TBC1D22A: variants seen among roughly 807,000 people sequenced by gnomAD.
TBC1D22A encodes TBC1 domain family member 22A, also known as putative GTPase activator.
Under a neutral mutation model 60.2 loss-of-function variants are expected in TBC1D22A, and 38 were observed. That is an observed-to-expected ratio of 0.63 (90% CI 0.49 to 0.83). The LOEUF is 0.83. Ranked by LOEUF, TBC1D22A falls within the 40% of genes least tolerant of loss-of-function variation. The pLI is 0.00. For missense variants in TBC1D22A, 628 were observed against 701.0 expected (o/e 0.90, Z 1.18); for synonymous variants, 302 against 281.7 (o/e 1.07, Z -0.72).
chr22:47,157,008 A>G (rs9626941), intron 12 of TBC1D22A, among the ~76,000 whole-genome samples: 30,170 of 152,236 alleles, frequency 0.2, 3,866 homozygotes, highest in African/African-American at 0.37. Context: ...CCAGAGGGAC[A>G]GATGTCAGCA....
chr22:46,932,512 T>C (rs922997611), intron 8 of TBC1D22A, among the ~76,000 whole-genome samples: 1 of 152,170 alleles, frequency 6.6e-6, no homozygotes, highest in Admixed American at 6.5e-5. Flanking sequence ...TAGGAATAAA[T>C]GTTATGCTTG....
At chr22:46,915,675 G>T (rs1401331643) in intron 8 of TBC1D22A, 1 of 456,602 alleles carries the variant, frequency 2.2e-6, no homozygotes, top group Non-Finnish European at 4.4e-6. Flanking sequence ...TTCTCCAGGG[G>T]CTTTCAGGCA....
intron 6 of TBC1D22A, 78 bp downstream of exon 6, chr22:46,891,472 C>T: frequency 6.8e-7 from 1 of 1,470,104 alleles, no homozygotes; most frequent in Non-Finnish European, 9.0e-7. Flanking sequence ...AATGTTTTAT[C>T]AAAACCATGT....
At chr22:47,105,753 C>A (rs1280136584) in intron 11 of TBC1D22A, among the ~76,000 whole-genome samples, 1 of 151,996 alleles carries the variant, frequency 6.6e-6, no homozygotes, top group African/African-American at 2.4e-5. Flanking sequence ...TATAGGTTTC[C>A]CACCCCCCCA....
intron 7 of TBC1D22A, among the ~76,000 whole-genome samples, chr22:46,905,702 C>A (rs562317767): frequency 3.3e-4 from 50 of 152,218 alleles, no homozygotes; most frequent in Admixed American, 5.9e-4. Context: ...GCCTCTGGGG[C>A]ATGGCCAGGG....
chr22:47,074,327 C>T (rs556020980), intron 11 of TBC1D22A, among the ~76,000 whole-genome samples: 1 of 152,328 alleles, frequency 6.6e-6, no homozygotes, highest in African/African-American at 2.4e-5. Flanking sequence ...CTTGTTTTCC[C>T]TAATGTGTGT....
chr22:46,930,531 C>T (rs1457340504), intron 8 of TBC1D22A, among the ~76,000 whole-genome samples: 2 of 152,138 alleles, frequency 1.3e-5, no homozygotes, highest in Non-Finnish European at 2.9e-5. Flanking sequence ...TCTTGGCTCA[C>T]TGCAAGCTCC....
At chr22:46,963,577 AG>A (rs2073651666) in intron 8 of TBC1D22A, among the ~76,000 whole-genome samples, 1 of 152,248 alleles carries the variant, frequency 6.6e-6, no homozygotes, top group Non-Finnish European at 1.5e-5. Flanking sequence ...CCCAAGAGAC[AG>A]GCCATCTTGG....
chr22:47,037,460 G>A (rs771649974), intron 11 of TBC1D22A, among the ~76,000 whole-genome samples: 3 of 152,158 alleles, frequency 2.0e-5, no homozygotes, highest in African/African-American at 7.2e-5. Flanking sequence ...GCAAAACCCC[G>A]TCTCTACTAA....
At chr22:46,905,468 T>C (rs1356035263) in intron 7 of TBC1D22A, among the ~76,000 whole-genome samples, 1 of 152,214 alleles carries the variant, frequency 6.6e-6, no homozygotes, top group Non-Finnish European at 1.5e-5. Context: ...CAGATTGATT[T>C]GGGTCCGTGC....
chr22:46,913,475 A>T (rs757840000), intron 8 of TBC1D22A: 2 of 1,338,470 alleles, frequency 1.5e-6, no homozygotes, highest in Non-Finnish European at 2.0e-6. Flanking sequence ...GCCCTCTGAC[A>T]CTTTGTTTCC....
intron 8 of TBC1D22A, among the ~76,000 whole-genome samples, chr22:46,950,627 C>T (rs938497904): frequency 1.3e-5 from 2 of 151,974 alleles, no homozygotes; most frequent in Non-Finnish European, 2.9e-5. Flanking sequence ...GTGGACATGG[C>T]GATGTCTCAT....
intron 4 of TBC1D22A, among the ~76,000 whole-genome samples, chr22:46,871,821 TA>T (rs2067305991): frequency 1.3e-5 from 2 of 152,110 alleles, no homozygotes; most frequent in African/African-American, 4.8e-5. Flanking sequence ...AGAAACAATT[TA>T]AGGGTGAAAA....
At chr22:47,080,903 A>G (rs1162788949) in intron 11 of TBC1D22A, among the ~76,000 whole-genome samples, 2 of 152,120 alleles carry the variant, frequency 1.3e-5, no homozygotes, top group African/African-American at 4.8e-5. Context: ...TGGGTGGATC[A>G]CGAGGTCAGG....
chr22:47,013,061 C>T (rs991722052), intron 10 of TBC1D22A, among the ~76,000 whole-genome samples: 2 of 152,220 alleles, frequency 1.3e-5, no homozygotes, highest in African/African-American at 2.4e-5. Context: ...CCTCCCGCCC[C>T]GTGCGCGAGT....
rs914074215 is a variant in TBC1D22A at position 47,057,101 on chromosome 22, G to A, written c.1329+19903G>A. Among the ~76,000 whole-genome samples the A allele has an allele frequency of 2.2e-4, 34 of 152,242 alleles. 1 individual carries two copies. The highest frequency in any genetic ancestry group is 7.7e-4 in the African/African-American group (32 of 41,458). On this transcript the variant is annotated intron_variant, in intron 11 of 12. Transcript: ENST00000337137. ...TGTGGCATTCTGGCCTGGGAGTCAG[G>A]CTGAATGCAGTGTTGTTGGATTCCG...
intron 12 of TBC1D22A, 105 bp downstream of exon 12, chr22:47,111,708 C>T (rs1162293866): frequency 9.4e-6 from 10 of 1,058,354 alleles, no homozygotes; most frequent in East Asian, 7.9e-5. Flanking sequence ...TTTTGAGAAG[C>T]GCTGCCTGCA....
intron 7 of TBC1D22A, among the ~76,000 whole-genome samples, chr22:46,900,488 A>C (rs769515475): frequency 2.0e-5 from 3 of 152,032 alleles, no homozygotes; most frequent in Non-Finnish European, 4.4e-5. Context: ...GCTCCCTAAT[A>C]TGTGATACAG....
chr22:47,065,629 C>G (rs2063731599), intron 11 of TBC1D22A, among the ~76,000 whole-genome samples: 1 of 152,278 alleles, frequency 6.6e-6, no homozygotes, highest in Non-Finnish European at 1.5e-5. Flanking sequence ...ACTTAGCAGG[C>G]CTCGGAGTTG....
Sources: allele counts gnomAD v4.1 joint callset (sites outside exome capture counted in the v4.1 genomes callset), GRCh38; gene constraint gnomAD v4.1.1; transcripts MANE v1.5; gene names NCBI Gene and HGNC (gene_info 2026-07-23, HGNC 2026-07-21).